The following HIVEP1 variants were observed in gnomAD, a reference collection of about 807,000 sequenced individuals.
HIVEP1 encodes HIVEP zinc finger 1, also known as zinc finger protein 40.
Under a neutral mutation model 180.0 loss-of-function variants are expected in HIVEP1, and 36 were observed. The ratio of observed to expected loss-of-function variants is 0.20; its 90% CI spans 0.15 to 0.26. HIVEP1 has a LOEUF of 0.26. Ranked by LOEUF, HIVEP1 falls within the 10% of genes least tolerant of loss-of-function variation. HIVEP1 has a pLI of 1.00. For missense variants in HIVEP1, 3,143 were observed against 3,268.7 expected, an observed-to-expected ratio of 0.96 and a Z score of 0.94; for synonymous variants, 1,239 against 1,239.0, an observed-to-expected ratio of 1.00 and a Z score of 0.00.
chr6:12,012,968 C>T (rs1248140481), intron 1 of HIVEP1, among the ~76,000 whole-genome samples: 2 of 141,068 alleles, frequency 1.4e-5, no homozygotes, highest in African/African-American at 5.2e-5. Flanking sequence ...AGTTTCTTTC[C>T]GGGTTGGGAG....
the HIVEP1 span, among the ~76,000 whole-genome samples, chr6:12,211,675 G>A: frequency 6.6e-6 from 1 of 151,880 alleles, no homozygotes; most frequent in Non-Finnish European, 1.5e-5. Flanking sequence ...GCAGGAAAGA[G>A]CAAAGAAGAA....
At chr6:12,108,747 C>T (rs911721883) in intron 3 of HIVEP1, among the ~76,000 whole-genome samples, 5 of 152,178 alleles carry the variant, frequency 3.3e-5, no homozygotes, top group African/African-American at 1.2e-4. Flanking sequence ...CCGCGCGCAC[C>T]CCCGGTTCCC....
At chr6:12,153,865 G>T (rs1449924732) in intron 7 of HIVEP1, among the ~76,000 whole-genome samples, 1 of 152,102 alleles carries the variant, frequency 6.6e-6, no homozygotes, top group Non-Finnish European at 1.5e-5. Context: ...ACCCTAGAGC[G>T]GGCTGGGTGC....
intron 3 of HIVEP1, among the ~76,000 whole-genome samples, chr6:12,098,864 T>G (rs1368095462): frequency 1.3e-5 from 2 of 152,134 alleles, no homozygotes; most frequent in South Asian, 2.1e-4. Context: ...CAAAGGGTAT[T>G]TTGTGGAGCT....
At chr6:12,031,413 C>T (rs541455296) in intron 2 of HIVEP1, among the ~76,000 whole-genome samples, 33 of 152,308 alleles carry the variant, frequency 2.2e-4, no homozygotes, top group African/African-American at 7.9e-4. Context: ...TACCAGAACT[C>T]CCTAGTAAGT....
At chr6:12,039,239 A>G (rs1416085866) in intron 2 of HIVEP1, 4 of 152,380 alleles carry the variant, frequency 2.6e-5, no homozygotes, top group South Asian at 2.1e-4. Flanking sequence ...AGACATGCAT[A>G]TATCAACAGG....
chr6:12,127,813 C>T, intron 4 of HIVEP1, among the ~76,000 whole-genome samples: 1 of 152,106 alleles, frequency 6.6e-6, no homozygotes, highest in East Asian at 1.9e-4. Flanking sequence ...AGAAGATATT[C>T]AAGGAGAGTT....
chr6:12,167,613 T>TACATGTATATATACATGTTATATA (rs1250462021), downstream of HIVEP1, among the ~76,000 whole-genome samples: 63 of 103,576 alleles, frequency 6.1e-4, no homozygotes, highest in Non-Finnish European at 1.0e-3. Flanking sequence ...CATGTTATAT[T>TACATGTATATATACATGTTATATA]ACATGTATAT....
chr6:12,044,314 A>C (rs1390178545), intron 2 of HIVEP1, among the ~76,000 whole-genome samples: 1 of 152,170 alleles, frequency 6.6e-6, no homozygotes, highest in Admixed American at 6.5e-5. Context: ...CAAATGTATA[A>C]TTTTTCCTAA....
chr6:12,068,776 C>G (rs1471059353), intron 2 of HIVEP1, among the ~76,000 whole-genome samples: 1 of 152,066 alleles, frequency 6.6e-6, no homozygotes, highest in Non-Finnish European at 1.5e-5. Context: ...CACATATGTT[C>G]ATATATATTA....
chr6:12,189,693 A>G, the HIVEP1 span, among the ~76,000 whole-genome samples: 1 of 152,200 alleles, frequency 6.6e-6, no homozygotes, highest in East Asian at 1.9e-4. Flanking sequence ...CATTAGTCTG[A>G]CCAATTTGGA....
intron 3 of HIVEP1, among the ~76,000 whole-genome samples, chr6:12,118,516 C>G (rs1426347391): frequency 6.6e-6 from 1 of 152,160 alleles, no homozygotes; most frequent in Non-Finnish European, 1.5e-5. Context: ...GGCACTGTCA[C>G]TTAAATACTG....
chr6:12,172,442 T>C, the HIVEP1 span, among the ~76,000 whole-genome samples: 1 of 151,558 alleles, frequency 6.6e-6, no homozygotes, highest in East Asian at 1.9e-4. Context: ...TAAATCTCAT[T>C]CTGAAAAAAA....
Position 12,017,445 on chromosome 6 carries a change from G to C in HIVEP1, c.40+1777G>C, listed in dbSNP as rs372567862. The stretch of plus-strand genomic sequence containing the variant: ...GTGAGTTTTATAGCTCATAAAGGCA[G>C]TACAGACTCAAAGAGCAAGCAGTAG... On this transcript the variant is annotated intron_variant, in intron 2 of 8. Transcript: ENST00000379388. 9.8e-5 allele frequency among the ~76,000 whole-genome samples: 15 copies of C among 152,370 alleles called. No homozygotes were observed. In the East Asian group the frequency reaches 1.3e-3, roughly 14 times the overall value.
chr6:12,149,209 G>C (rs1283063040), intron 7 of HIVEP1, among the ~76,000 whole-genome samples: 1 of 152,160 alleles, frequency 6.6e-6, no homozygotes. Context: ...TTAAGAACAT[G>C]CCTTATATGT....
chr6:12,055,882 T>C (rs936049416), intron 2 of HIVEP1, among the ~76,000 whole-genome samples: 1 of 152,256 alleles, frequency 6.6e-6, no homozygotes, highest in African/African-American at 2.4e-5. Flanking sequence ...CTAGTGCTGT[T>C]ATAAAGTGAG....
At chr6:12,041,778 C>T (rs1432255654) in intron 2 of HIVEP1, among the ~76,000 whole-genome samples, 1 of 151,974 alleles carries the variant, frequency 6.6e-6, no homozygotes, top group Non-Finnish European at 1.5e-5. Context: ...ATTCTTCTGC[C>T]TCAGCCAAGT....
intron 7 of HIVEP1, among the ~76,000 whole-genome samples, chr6:12,149,527 T>C (rs1034468198): frequency 6.6e-6 from 1 of 152,144 alleles, no homozygotes; most frequent in Non-Finnish European, 1.5e-5. Context: ...CACCCCAGTA[T>C]AGTACTTATT....
At chr6:12,148,505 AAC>A (rs2113641156) in intron 7 of HIVEP1, among the ~76,000 whole-genome samples, 1 of 152,352 alleles carries the variant, frequency 6.6e-6, no homozygotes, top group South Asian at 2.1e-4. Flanking sequence ...GGGATATTTT[AAC>A]ACACAAACTT....
Sources: allele counts gnomAD v4.1 joint callset (sites outside exome capture counted in the v4.1 genomes callset), GRCh38; gene constraint gnomAD v4.1.1; transcripts MANE v1.5; gene names NCBI Gene and HGNC (gene_info 2026-07-23, HGNC 2026-07-21).